Variants in LRFN5 observed in about 807,000 individuals in gnomAD.
The protein encoded by LRFN5 is leucine-rich repeat and fibronectin type-III domain-containing protein 5.
A neutral mutation model predicts 45.6 loss-of-function variants in LRFN5; 24 were observed. That is an observed-to-expected ratio of 0.53 (90% CI 0.38 to 0.74). LRFN5 has a LOEUF of 0.74. Ranked by LOEUF, LRFN5 falls within the 30% of genes least tolerant of loss-of-function variation. LRFN5 has a pLI of 0.00. For missense variants in LRFN5, 776 were observed against 861.5 expected (o/e 0.90, Z 1.24); for synonymous variants, 340 against 313.8 (o/e 1.08, Z -0.88).
intron 1 of LRFN5, among the ~76,000 whole-genome samples, chr14:41,756,260 C>G (rs112867848): frequency 0.021 from 2,909 of 141,294 alleles, no homozygotes; most frequent in East Asian, 0.086. Context: ...TTGCTCTTCT[C>G]GAGGAGTATC....
At chr14:41,874,202 A>T (rs534654391) in intron 2 of LRFN5, among the ~76,000 whole-genome samples, 1 of 152,286 alleles carries the variant, frequency 6.6e-6, no homozygotes, top group Non-Finnish European at 1.5e-5. Context: ...GTCTTTCCTA[A>T]TTCCTGTGAC....
chr14:41,701,861 T>C (rs1174402927), intron 1 of LRFN5, among the ~76,000 whole-genome samples: 1 of 152,116 alleles, frequency 6.6e-6, no homozygotes, highest in Non-Finnish European at 1.5e-5. Context: ...AGCATTAGCA[T>C]CACCTAGAAG....
intron 4 of LRFN5, chr14:41,894,757 G>A (rs1445436899): frequency 1.0e-6 from 1 of 983,350 alleles, no homozygotes; most frequent in Non-Finnish European, 1.2e-6. Flanking sequence ...TGGCCATGGA[G>A]TAAGGTGTGG....
intron 2 of LRFN5, among the ~76,000 whole-genome samples, chr14:41,863,399 G>T (rs1396175442): frequency 1.3e-5 from 2 of 152,092 alleles, no homozygotes; most frequent in African/African-American, 2.4e-5. Context: ...TCCAAAAAAT[G>T]TCTTTAAGAT....
chr14:41,738,143 C>T (rs1884526136), intron 1 of LRFN5, among the ~76,000 whole-genome samples: 1 of 152,158 alleles, frequency 6.6e-6, no homozygotes, highest in African/African-American at 2.4e-5. Flanking sequence ...GGTAGCAAAA[C>T]AGATATATGG....
intron 2 of LRFN5, among the ~76,000 whole-genome samples, chr14:41,845,300 A>T (rs1329447993): frequency 6.6e-6 from 1 of 152,140 alleles, no homozygotes; most frequent in African/African-American, 2.4e-5. Context: ...CAGCATGTAT[A>T]GTCTTTTATT....
rs777035463 is a variant in LRFN5, at chr14:41,887,649, C to T, written c.1024C>T (p.Leu342Phe). 1.9e-5 allele frequency: 31 copies of T among 1,614,080 alleles called. No individual in the cohort carries two copies. Among genetic ancestry groups the T allele is most frequent in the Non-Finnish European group, 2.5e-5 (30 of 1,180,052 alleles). Residue 342 changes from leucine (L) to phenylalanine (F), a missense_variant, in exon 3 of 6, where the codon CTT becomes TTT. Transcript: ENST00000298119. The surrounding 1 kb of genome is among the most constrained non-coding windows in gnomAD (Gnocchi z 4.8). ...TRSLVYDNGT[L>F]DILITTVKDT... is the part of the protein sequence containing the mutation. Reference sequence around the variant, plus strand: ...ATCTCTGGTGTATGATAACGGAACACTTGACATTCTTATCACAACTGTAAA... The same window carrying T: ...ATCTCTGGTGTATGATAACGGAACATTTGACATTCTTATCACAACTGTAAA...
intron 2 of LRFN5, among the ~76,000 whole-genome samples, chr14:41,873,252 T>G (rs908994967): frequency 1.3e-5 from 2 of 152,120 alleles, no homozygotes; most frequent in Admixed American, 6.6e-5. Context: ...AAACACAAAC[T>G]CAAATCACAG....
intron 1 of LRFN5, among the ~76,000 whole-genome samples, chr14:41,663,963 C>A (rs1249231838): frequency 6.6e-6 from 1 of 151,928 alleles, no homozygotes; most frequent in African/African-American, 2.4e-5. Flanking sequence ...GGATTACAAT[C>A]ATCGTATTCA....
At chr14:41,773,964 G>T (rs1239898899) in intron 2 of LRFN5, among the ~76,000 whole-genome samples, 1 of 152,206 alleles carries the variant, frequency 6.6e-6, no homozygotes, top group Non-Finnish European at 1.5e-5. Flanking sequence ...ACTTGATATA[G>T]AGGAGTCTCT....
chr14:41,813,147 T>C (rs1404671738), intron 2 of LRFN5, among the ~76,000 whole-genome samples: 3 of 152,180 alleles, frequency 2.0e-5, no homozygotes, highest in Admixed American at 2.0e-4. Context: ...CACTCAAATC[T>C]GTTTTCAACT....
chr14:41,867,993 A>G (rs1889896204), intron 2 of LRFN5, among the ~76,000 whole-genome samples: 2 of 152,164 alleles, frequency 1.3e-5, no homozygotes, highest in African/African-American at 4.8e-5. Flanking sequence ...TTCACTTTAT[A>G]TTTATAAATA....
chr14:41,673,395 G>A (rs1212103207), intron 1 of LRFN5, among the ~76,000 whole-genome samples: 2 of 139,112 alleles, frequency 1.4e-5, no homozygotes, highest in South Asian at 2.3e-4. Flanking sequence ...GCAGGGGGCT[G>A]ACCCGCCCCC....
chr14:41,893,212 G>A, intron 4 of LRFN5: 1 of 973,462 alleles, frequency 1.0e-6, no homozygotes, highest in Non-Finnish European at 1.2e-6. Flanking sequence ...TTTTAAAACA[G>A]GATTTTAAAT....
At chr14:41,891,990 G>A (rs375056504) in intron 4 of LRFN5, 28 bp downstream of exon 4, 123 of 1,600,604 alleles carry the variant, frequency 7.7e-5, no homozygotes, top group Non-Finnish European at 9.5e-5. Flanking sequence ...CCTGCTGAGA[G>A]ATCCGGAGCA....
At chr14:41,681,821 TTTA>T (rs1329297969) in intron 1 of LRFN5, among the ~76,000 whole-genome samples, 64 of 92,964 alleles carry the variant, frequency 6.9e-4, no homozygotes, top group African/African-American at 4.3e-3. Flanking sequence ...TATTTATTTA[TTTA>T]TTTTTTTTTT....
At chr14:41,791,232 T>C (rs187522592) in intron 2 of LRFN5, among the ~76,000 whole-genome samples, 66 of 152,058 alleles carry the variant, frequency 4.3e-4, no homozygotes, top group Admixed American at 1.9e-3. Context: ...AAATTGTCGT[T>C]TTGACACTCA....
At chr14:41,708,496 T>C (rs1304985139) in intron 1 of LRFN5, among the ~76,000 whole-genome samples, 1 of 152,062 alleles carries the variant, frequency 6.6e-6, no homozygotes, top group Non-Finnish European at 1.5e-5. Flanking sequence ...AAATATCTAA[T>C]CACTGTTCAA....
At chr14:41,609,766 C>G (rs1887659022) in intron 1 of LRFN5, among the ~76,000 whole-genome samples, 1 of 152,170 alleles carries the variant, frequency 6.6e-6, no homozygotes, top group Non-Finnish European at 1.5e-5. Context: ...CAGCCAAGCT[C>G]AGGGTGCCCT....
Sources: allele counts gnomAD v4.1 joint callset (sites outside exome capture counted in the v4.1 genomes callset), GRCh38; gene constraint gnomAD v4.1.1; non-coding constraint Gnocchi (gnomAD v3.1); transcripts MANE v1.5; gene names NCBI Gene and HGNC (gene_info 2026-07-23, HGNC 2026-07-21).